The following ARHGEF40 variants were observed in gnomAD, a reference collection of about 807,000 sequenced individuals.
The protein encoded by ARHGEF40 is Rho guanine nucleotide exchange factor 40.
In ARHGEF40, 98 loss-of-function variants were observed where a neutral mutation model predicts 165.9. The observed-to-expected ratio is 0.59, with a 90% CI of 0.50 to 0.70. The LOEUF is 0.70. Among genes scored for constraint, ARHGEF40 ranks in the 30% least tolerant of loss-of-function variants. The probability of loss-of-function intolerance (pLI) is 0.00; values close to 1 mark genes in which losing one functional copy is unlikely to be tolerated. For synonymous variants in ARHGEF40, 792 were observed against 814.3 expected (o/e 0.97, Z 0.47); for missense variants, 1,815 against 1,968.0 (o/e 0.92, Z 1.47).
At position 21,080,687 on chromosome 14, in the gene ARHGEF40, G is replaced by A; in HGVS notation, c.2401G>A (p.Glu801Lys). The A allele has an allele frequency of 6.2e-7, 1 of 1,611,688 alleles. No homozygotes were observed. Among genetic ancestry groups the A allele is most frequent in the East Asian group, 2.2e-5 (1 of 44,860 alleles). Reference protein sequence around the residue: ...QVLQWLSGPGEEQLASFAMPG... With the variant: ...QVLQWLSGPGKEQLASFAMPG... ...GTTGCAGTGGCTCTCGGGCCCAGGG[G>A]AGGAGCAGCTGGCAAGCTTTGCTAT... Residue 801 changes from glutamate (E) to lysine (K), a missense_variant, in exon 12 of 24, where the codon GAG becomes AAG. Glu to Lys is a moderately conservative substitution (Grantham distance 56, BLOSUM62 1). Transcript: ENST00000298694.
upstream of ARHGEF40, among the ~76,000 whole-genome samples, chr14:21,065,454 G>C (rs1886212685): frequency 6.6e-6 from 1 of 152,104 alleles, no homozygotes; most frequent in Non-Finnish European, 1.5e-5. Context: ...AAAAAGCAGT[G>C]ACAAAATAGA....
In ARHGEF40 at chr14:21,078,934, T is replaced by C. The variant is rs779534714; in HGVS notation, c.2297T>C (p.Ile766Thr). 1 of 1,614,184 alleles carries C rather than the reference T, an allele frequency of 6.2e-7. No homozygotes were observed. Among genetic ancestry groups the C allele is most frequent in the South Asian group, 1.1e-5 (1 of 91,084 alleles). Residue 766 changes from isoleucine (I) to threonine (T), a missense_variant, in exon 11 of 24, where the codon ATT (isoleucine) becomes ACT (threonine). Coordinates refer to ENST00000298694, the MANE Select transcript of ARHGEF40 (RefSeq NM_018071.5). The part of the protein sequence containing the change: ...ATLYQEVDEA[I>T]HQLVRLSNLH... ...CTGTATCAGGAAGTGGACGAGGCCATTCACCAGCTTGTGCGCCTCTCCAAC... is the reference window on the plus strand; with the variant it reads ...CTGTATCAGGAAGTGGACGAGGCCACTCACCAGCTTGTGCGCCTCTCCAAC...
chr14:21,084,655 G>A, intron 17 of ARHGEF40, 98 bp from the exon 18 acceptor site: 1 of 1,354,416 alleles, frequency 7.4e-7, no homozygotes, highest in Non-Finnish European at 1.0e-6. Context: ...CTGAGAACCA[G>A]TGCATTAGGC....
upstream of ARHGEF40, among the ~76,000 whole-genome samples, chr14:21,066,275 G>C (rs764893623): frequency 8.0e-4 from 121 of 151,442 alleles, no homozygotes; most frequent in Non-Finnish European, 1.6e-3. Flanking sequence ...GCCATTAGAC[G>C]GGGTTGATGA....
chr14:21,081,239 A>G, intron 13 of ARHGEF40: 1 of 810,560 alleles, frequency 1.2e-6, no homozygotes, highest in Non-Finnish European at 1.9e-6. Context: ...TGGGGATTAC[A>G]CGAGGCAATA....
At chr14:21,064,648 T>C in the ARHGEF40 span, among the ~76,000 whole-genome samples, 2 of 152,212 alleles carry the variant, frequency 1.3e-5, no homozygotes, top group Admixed American at 1.3e-4. Flanking sequence ...ATTATACTTA[T>C]GCGTGGAAAT....
chr14:21,086,748 G>A, intron 19 of ARHGEF40: 1 of 456,100 alleles, frequency 2.2e-6, no homozygotes, highest in Non-Finnish European at 4.0e-6. Flanking sequence ...TTAGGCAGCT[G>A]GGATGCCAAA....
At chr14:21,079,598 G>T (rs1004253947) in intron 11 of ARHGEF40, among the ~76,000 whole-genome samples, 2 of 152,166 alleles carry the variant, frequency 1.3e-5, no homozygotes, top group Non-Finnish European at 2.9e-5. Context: ...CCTACCATGT[G>T]GGGTAGAGGG....
chr14:21,087,300 C>T lies in ARHGEF40; in HGVS notation c.4244-20C>T. The stretch of plus-strand genomic sequence containing the variant: ...CTTTCCCACACCAGCACCCCACCCC[C>T]CACTCCCCACTCTCTGCAGCCGCCC... On this transcript the variant is annotated intron_variant, in intron 20 of 23. Transcript: ENST00000298694. 3 of 1,600,802 alleles carry T rather than the reference C, an allele frequency of 1.9e-6. No individual in the cohort carries two copies. The highest frequency in any genetic ancestry group is 2.6e-6 in the Non-Finnish European group (3 of 1,175,456).
At position 21,081,459 on chromosome 14, in the gene ARHGEF40, C is replaced by T. The variant is rs777778063; in HGVS notation, c.2641-50C>T. 12 of 1,600,188 alleles carry T rather than the reference C, an allele frequency of 7.5e-6. No homozygotes were observed. The East Asian group carries it at 2.7e-4, about 36-fold the overall frequency. The stretch of plus-strand genomic sequence containing the variant: ...GTCACTGGGCATCCTTCGTGAGCAA[C>T]ACAGGCCCTTACCCTTTCTCTCCCA... On this transcript the variant is annotated intron_variant, in intron 13 of 23. Coordinates refer to ENST00000298694, the MANE Select transcript of ARHGEF40 (RefSeq NM_018071.5).
At position 21,087,432 on chromosome 14, in the gene ARHGEF40, C is replaced by G; in HGVS notation, c.4356C>G (p.Ala1452=). The G allele has an allele frequency of 6.2e-7, 1 of 1,601,018 alleles. No individual in the cohort carries two copies. Among genetic ancestry groups the G allele is most frequent in the Non-Finnish European group, 8.5e-7 (1 of 1,179,934 alleles). Residue 1452 remains alanine (A), a synonymous_variant, in exon 21 of 24, where the codon GCC becomes GCG. Transcript: ENST00000298694. ...CSLPARVEEE[A]WDLDVKQISL... is the part of the protein sequence containing the mutation. ...TGCCTGCCCGCGTCGAGGAGGAGGC[C>G]TGGGATCTGGACGTCAAGCAAATTT...
At chr14:21,082,514 C>T in intron 15 of ARHGEF40, 36 bp downstream of exon 15, 1 of 1,536,958 alleles carries the variant, frequency 6.5e-7, no homozygotes, top group East Asian at 2.3e-5. Flanking sequence ...AAGTGCTCTC[C>T]CTTCTCTGTT....
In ARHGEF40 at chr14:21,073,915, C is replaced by T. The variant is rs758203591; in HGVS notation, c.202-17C>T. On this transcript the variant is annotated splice_polypyrimidine_tract_variant and intron_variant, in intron 2 of 23. Transcript: ENST00000298694. This position sits in a 1 kb window ranked among gnomAD's most constrained non-coding sequence, Gnocchi z 4.6. The stretch of plus-strand genomic sequence containing the variant: ...TTCAGCAGAGGCCTGAGTGCAGCCT[C>T]CCACCTCTCTCCCCAGGCCCAATAC... 6 of 1,580,858 alleles carry T rather than the reference C, an allele frequency of 3.8e-6. No homozygotes were observed. The African/African-American group carries it at 8.0e-5, about 21-fold the overall frequency.
chr14:21,081,449 T>C, intron 13 of ARHGEF40, 60 bp from the exon 14 acceptor site: 1 of 1,577,408 alleles, frequency 6.3e-7, no homozygotes, highest in South Asian at 1.2e-5. Flanking sequence ...TGGGCATCCT[T>C]CGTGAGCAAC....
upstream of ARHGEF40, among the ~76,000 whole-genome samples, chr14:21,069,469 G>A (rs928924250): frequency 6.6e-6 from 1 of 152,244 alleles, no homozygotes; most frequent in Non-Finnish European, 1.5e-5. Context: ...CGAATAGAGA[G>A]GTAGGGATGC....
the ARHGEF40 span, among the ~76,000 whole-genome samples, chr14:21,062,707 C>T: frequency 1.7e-5 from 1 of 57,664 alleles, no homozygotes; most frequent in Non-Finnish European, 3.3e-5. Context: ...AGGCTGGGCA[C>T]AGTGTGTGTG....
intron 11 of ARHGEF40, 79 bp from the exon 12 acceptor site, chr14:21,080,581 G>A: frequency 2.0e-6 from 3 of 1,494,638 alleles, no homozygotes; most frequent in Non-Finnish European, 2.7e-6. Context: ...GATTGGGGTG[G>A]TGGGGCTGAT....
intron 18 of ARHGEF40, among the ~76,000 whole-genome samples, chr14:21,085,419 G>C (rs1333570047): frequency 6.6e-6 from 1 of 152,248 alleles, no homozygotes; most frequent in Non-Finnish European, 1.5e-5. Context: ...ATAGAGTATA[G>C]CATAGAGGAA....
At chr14:21,064,526 T>C in the ARHGEF40 span, among the ~76,000 whole-genome samples, 1 of 152,166 alleles carries the variant, frequency 6.6e-6, no homozygotes, top group Non-Finnish European at 1.5e-5. Context: ...CGTCTTGAAC[T>C]CCTGACCTCA....
Sources: allele counts gnomAD v4.1 joint callset (sites outside exome capture counted in the v4.1 genomes callset), GRCh38; gene constraint gnomAD v4.1.1; non-coding constraint Gnocchi (gnomAD v3.1); transcripts MANE v1.5; gene names NCBI Gene and HGNC (gene_info 2026-07-23, HGNC 2026-07-21).